The following MAP3K5 variants were observed in gnomAD, a reference collection of about 807,000 sequenced individuals.
MAP3K5 encodes the protein ASK-1.
A neutral mutation model predicts 158.7 loss-of-function variants in MAP3K5; 56 were observed. The ratio of observed to expected loss-of-function variants is 0.35; its 90% CI spans 0.28 to 0.44. MAP3K5 has a LOEUF of 0.44. Ranked by LOEUF, MAP3K5 falls within the 20% of genes least tolerant of loss-of-function variation. The pLI is 1.00. For synonymous variants in MAP3K5, 579 were observed against 601.7 expected (o/e 0.96, Z 0.55); for missense variants, 1,294 against 1,674.8 (o/e 0.77, Z 3.97).
At chr6:136,670,619 T>C (rs550941146) in intron 7 of MAP3K5, among the ~76,000 whole-genome samples, 4 of 152,238 alleles carry the variant, frequency 2.6e-5, no homozygotes, top group Admixed American at 2.6e-4. Flanking sequence ...GTAGGCACAA[T>C]AAATGTATAT....
chr6:136,784,812 C>A (rs1002093585), intron 1 of MAP3K5, among the ~76,000 whole-genome samples: 1 of 151,900 alleles, frequency 6.6e-6, no homozygotes, highest in African/African-American at 2.4e-5. Context: ...AGGTTATGTC[C>A]CCCACTAATT....
rs557726263 is a variant in MAP3K5 at position 136,637,413 on chromosome 6, T to C, written c.1935-7A>G. ...GTTCACCATCTCAAAAAACCTACAATACAAGTTAGCACGTGAGCATTCATA... is the reference window on the plus strand; with the variant it reads ...GTTCACCATCTCAAAAAACCTACAACACAAGTTAGCACGTGAGCATTCATA... On this transcript the variant is annotated splice_polypyrimidine_tract_variant and splice_region_variant and intron_variant, in intron 13 of 29. Coordinates refer to ENST00000359015, the MANE Select transcript of MAP3K5 (RefSeq NM_005923.4). 11 of 1,518,808 alleles carry C rather than the reference T, an allele frequency of 7.2e-6. No individual in the cohort carries two copies. The East Asian group carries it at 2.3e-4, about 31-fold the overall frequency. 94.1% of individuals were successfully genotyped at this position (1,518,808 alleles called of 1,614,324 possible).
chr6:136,657,540 T>C (rs1306343567), intron 9 of MAP3K5, among the ~76,000 whole-genome samples: 1 of 152,216 alleles, frequency 6.6e-6, no homozygotes, highest in Non-Finnish European at 1.5e-5. Flanking sequence ...GCTGAATGCC[T>C]ACTGCTGCAC....
chr6:136,621,221 A>C (rs898743350), intron 15 of MAP3K5, among the ~76,000 whole-genome samples: 2 of 152,142 alleles, frequency 1.3e-5, no homozygotes, highest in East Asian at 1.9e-4. Flanking sequence ...TCTACTAATA[A>C]GCCATCAAAG....
At chr6:136,636,037 C>T (rs544062457) in intron 14 of MAP3K5, among the ~76,000 whole-genome samples, 1 of 152,138 alleles carries the variant, frequency 6.6e-6, no homozygotes, top group Non-Finnish European at 1.5e-5. Flanking sequence ...GCTATAGATT[C>T]TTCATTTTCA....
chr6:136,668,824 G>T (rs758202620), intron 8 of MAP3K5, among the ~76,000 whole-genome samples: 20 of 152,080 alleles, frequency 1.3e-4, no homozygotes, highest in Non-Finnish European at 2.6e-4. Context: ...TGCTCCTGGG[G>T]CTTTGGGAGG....
Position 136,641,456 on chromosome 6 carries a change from C to A in MAP3K5, c.1838+1064G>T, listed in dbSNP as rs148297603. On this transcript the variant is annotated intron_variant, in intron 12 of 29. Transcript: ENST00000359015. ...TCTGCAAGAGTTGATTTAGCATGAG[C>A]TTCAATAGAACAATTATTTAAAGAC... 2.1e-3 allele frequency among the ~76,000 whole-genome samples: 325 copies of A among 152,186 alleles called. 1 individual carries two copies. Among genetic ancestry groups the A allele is most frequent in the African/African-American group, 6.8e-3 (283 of 41,526 alleles).
Position 136,558,835 on chromosome 6 carries a change from A to G in MAP3K5, c.4029T>C (p.Tyr1343=). The G allele has an allele frequency of 6.2e-7, 1 of 1,605,246 alleles. No homozygotes were observed. The highest frequency in any genetic ancestry group is 8.5e-7 in the Non-Finnish European group (1 of 1,172,354). The change falls in exon 29 of 30, where the codon TAT becomes TAC. Residue 1343 remains tyrosine, a synonymous_variant. Transcript: ENST00000359015. ...AGCATTTTAAGTCATCACGTGTAAC[A>G]TAGTAGAGAACATCCAATAGTGTAT... The part of the protein sequence containing the change: ...EDYTLLDVLY[Y]VTRDDLKCLR...
intron 12 of MAP3K5, among the ~76,000 whole-genome samples, chr6:136,642,047 A>AAAT (rs1777991508): frequency 7.4e-6 from 1 of 134,956 alleles, no homozygotes; most frequent in South Asian, 2.1e-4. Flanking sequence ...AAATAAAATA[A>AAAT]AATAAAATAA....
chr6:136,763,477 T>G (rs1783837964), intron 1 of MAP3K5, among the ~76,000 whole-genome samples: 1 of 152,200 alleles, frequency 6.6e-6, no homozygotes, highest in African/African-American at 2.4e-5. Context: ...TCAGGTGCAG[T>G]ATTCTGACAG....
chr6:136,586,000 TAAA>T (rs1038472960), intron 23 of MAP3K5, among the ~76,000 whole-genome samples: 1 of 152,188 alleles, frequency 6.6e-6, no homozygotes, highest in Non-Finnish European at 1.5e-5. Flanking sequence ...TCTATTAAAA[TAAA>T]AAAGAAATGC....
chr6:136,571,355 G>A (rs1252687586), intron 25 of MAP3K5, among the ~76,000 whole-genome samples: 7 of 152,122 alleles, frequency 4.6e-5, no homozygotes, highest in South Asian at 2.1e-4. Flanking sequence ...ACTCCTGCTC[G>A]CCAAGCTGTC....
chr6:136,656,964 A>G (rs77391755), intron 9 of MAP3K5, among the ~76,000 whole-genome samples: 2,944 of 152,314 alleles, frequency 0.019, 109 homozygotes, highest in African/African-American at 0.065. Flanking sequence ...CAAAAACTCA[A>G]TAACGTTGGT....
intron 1 of MAP3K5, among the ~76,000 whole-genome samples, chr6:136,758,290 G>A (rs1783594878): frequency 1.3e-5 from 2 of 152,072 alleles, no homozygotes; most frequent in South Asian, 4.1e-4. Context: ...ACATAACAAA[G>A]CCTTGCAGTT....
chr6:136,766,508 T>A (rs574987708), intron 1 of MAP3K5, among the ~76,000 whole-genome samples: 30 of 152,278 alleles, frequency 2.0e-4, no homozygotes, highest in African/African-American at 7.0e-4. Flanking sequence ...TTACCAGACA[T>A]ACCAGCCAAC....
intron 1 of MAP3K5, among the ~76,000 whole-genome samples, chr6:136,755,127 C>T (rs1783418081): frequency 6.6e-6 from 1 of 152,084 alleles, no homozygotes; most frequent in Admixed American, 6.6e-5. Context: ...CTGATAATGG[C>T]ATTCTCTTAC....
At chr6:136,567,571 C>T (rs1309039755) in intron 26 of MAP3K5, 60 bp downstream of exon 26, 15 of 1,520,580 alleles carry the variant, frequency 9.9e-6, no homozygotes, top group Non-Finnish European at 1.3e-5. Context: ...AGACCAAAAA[C>T]ACATGCTCTT....
chr6:136,681,739 A>T (rs1779944405), intron 7 of MAP3K5, among the ~76,000 whole-genome samples: 1 of 152,142 alleles, frequency 6.6e-6, no homozygotes, highest in African/African-American at 2.4e-5. Flanking sequence ...ACATGGTGAA[A>T]CTCCGTCTCT....
At chr6:136,696,592 A>G (rs190481195) in intron 5 of MAP3K5, among the ~76,000 whole-genome samples, 1 of 152,340 alleles carries the variant, frequency 6.6e-6, no homozygotes, top group Admixed American at 6.5e-5. Context: ...TAGGAATGGA[A>G]AGGAGAAACC....
Sources: gnomAD v4.1 joint callset for allele counts (sites outside exome capture counted in the v4.1 genomes callset) on GRCh38, gnomAD v4.1.1 for gene constraint, MANE v1.5 for transcripts, NCBI Gene and HGNC (gene_info 2026-07-23, HGNC 2026-07-21) for gene names.